Variants in ATP2A3 observed in about 807,000 individuals in gnomAD.
The protein encoded by ATP2A3 is ATPase sarcoplasmic/endoplasmic reticulum Ca2+ transporting 3, also known as sarcoplasmic/endoplasmic reticulum calcium ATPase 3.
ATP2A3 carries 61 observed loss-of-function variants against 106.8 expected under a neutral mutation model. That is an observed-to-expected ratio of 0.57 (90% CI 0.46 to 0.71). The LOEUF (loss-of-function observed/expected upper bound fraction) is 0.71, where lower values mean the gene tolerates loss of function less well. Among genes scored for constraint, ATP2A3 ranks in the 30% least tolerant of loss-of-function variants. The pLI is 0.00. For missense variants in ATP2A3, 1,201 were observed against 1,423.5 expected, an observed-to-expected ratio of 0.84 and a Z score of 2.52; for synonymous variants, 611 against 609.3, an observed-to-expected ratio of 1.00 and a Z score of -0.04.
intron 7 of ATP2A3, 86 bp downstream of exon 7, chr17:3,950,425 A>C: frequency 6.9e-7 from 1 of 1,458,380 alleles, no homozygotes; most frequent in Non-Finnish European, 9.5e-7. Context: ...CAGCCTCCCA[A>C]AGTGCTGGGA....
At position 3,943,410 on chromosome 17, in the gene ATP2A3, C is replaced by T. The variant is rs199500072; in HGVS notation, c.1400G>A (p.Arg467Gln). ...TDLQALSRVE[R>Q]AGACNTVIKQ... is the part of the protein sequence containing the mutation. ...GCTCACCGTGTTACAGGCGCCAGCT[C>T]GCTCCACCCGGGACAGAGCCTGCAG... is the stretch of plus-strand genomic sequence containing the variant. The change falls in exon 11 of 21, where the codon CGA becomes CAA. Residue 467 changes from arginine to glutamine, a missense_variant. Transcript: ENST00000397041. The T allele has an allele frequency of 4.7e-5, 76 of 1,613,984 alleles. No individual in the cohort carries two copies. Among genetic ancestry groups the T allele is most frequent in the Non-Finnish European group, 6.1e-5 (72 of 1,180,018 alleles).
At chr17:3,959,958 C>A (rs1388097153) in intron 1 of ATP2A3, among the ~76,000 whole-genome samples, 1 of 152,232 alleles carries the variant, frequency 6.6e-6, no homozygotes, top group Non-Finnish European at 1.5e-5. Context: ...GGGGGCCCAG[C>A]TGGGCAGGCC....
Position 3,953,584 on chromosome 17 carries a change from G to A in ATP2A3, c.136+109C>T. ...GAGAGGCTCAGGTGGGTGATCCTGGGGAGCTCAGCAAGGCCTCACTCAGCG... is the reference window on the plus strand; with the variant it reads ...GAGAGGCTCAGGTGGGTGATCCTGGAGAGCTCAGCAAGGCCTCACTCAGCG... On this transcript the variant is annotated intron_variant, in intron 2 of 20. Transcript: ENST00000397041. The surrounding 1 kb of genome is among the most constrained non-coding windows in gnomAD (Gnocchi z 5.1). 1 of 1,507,424 alleles carries A rather than the reference G, an allele frequency of 6.6e-7. No individual in the cohort carries two copies. The allele number at this position is 1,507,424 out of a possible 1,614,324, so 93.4% of individuals were successfully genotyped here.
chr17:3,924,655 G>A lies in ATP2A3; in HGVS notation c.*767C>T. The A allele has an allele frequency of 5.4e-6, 2 of 370,236 alleles. No homozygotes were observed. The highest frequency in any genetic ancestry group is 4.2e-5 in the South Asian group (2 of 47,406). 22.9% of individuals were successfully genotyped at this position (370,236 alleles called of 1,614,324 possible). ...GACTCTGAACATCTCCCGAGCTCAG[G>A]ACGGGGAACCCTGAGTCCAGGAGGC... On this transcript the variant is annotated 3_prime_UTR_variant, in exon 21 of 21. Transcript: ENST00000397041. This position sits in a 1 kb window ranked among gnomAD's most constrained non-coding sequence, Gnocchi z 6.4.
chr17:3,945,417 C>T (rs957350389), intron 8 of ATP2A3: 1 of 364,476 alleles, frequency 2.7e-6, no homozygotes, highest in Non-Finnish European at 5.1e-6. Context: ...GCTCTGGGGG[C>T]AGTTGCCAGC....
Position 3,925,525 on chromosome 17 carries a change from C to A in ATP2A3, c.2981-84G>T. The A allele has an allele frequency of 6.6e-7, 1 of 1,516,490 alleles. No homozygotes were observed. The highest frequency in any genetic ancestry group is 1.2e-5 in the South Asian group (1 of 84,270). The allele number at this position is 1,516,490 out of a possible 1,614,324, so 93.9% of individuals were successfully genotyped here. On this transcript the variant is annotated intron_variant, in intron 20 of 20. Coordinates refer to ENST00000397041, the MANE Select transcript of ATP2A3 (RefSeq NM_005173.4). The surrounding 1 kb of genome is among the most constrained non-coding windows in gnomAD (Gnocchi z 4.2). ...GCTTCCTTCCAGCCCCTTCCATCCT[C>A]CACTTCTCCCAGGACAGCCCCAGGC...
intron 3 of ATP2A3, among the ~76,000 whole-genome samples, chr17:3,952,362 G>T (rs1001667021): frequency 6.6e-6 from 1 of 152,128 alleles, no homozygotes; most frequent in African/African-American, 2.4e-5. Context: ...GCGCCACTGC[G>T]CCCAGCCAAG....
chr17:3,937,342 G>A (rs2053507042), intron 15 of ATP2A3, 74 bp downstream of exon 15: 1 of 1,509,912 alleles, frequency 6.6e-7, no homozygotes, highest in Non-Finnish European at 9.1e-7. Context: ...CGCATCCGAG[G>A]AACAGGCGTT....
chr17:3,929,308 G>A lies in ATP2A3; in HGVS notation c.2862+20C>T. 6.5e-7 allele frequency: 1 copy of A among 1,540,578 alleles called. No homozygotes were observed. The highest frequency in any genetic ancestry group is 8.8e-7 in the Non-Finnish European group (1 of 1,138,632). ...GTGATGTCCAGGGACCAGGGCAGTG[G>A]GGCAGGCGGGGTGACTCACAGGCAG... On this transcript the variant is annotated intron_variant, in intron 19 of 20. Transcript: ENST00000397041. The surrounding 1 kb of genome is among the most constrained non-coding windows in gnomAD (Gnocchi z 4.3).
chr17:3,927,846 G>A, intron 20 of ATP2A3: 5 of 1,543,242 alleles, frequency 3.2e-6, no homozygotes, highest in Non-Finnish European at 4.3e-6. Context: ...GCACATTCCT[G>A]CCAGAGGTGG....
intron 11 of ATP2A3, among the ~76,000 whole-genome samples, chr17:3,942,933 G>A (rs1426831082): frequency 6.6e-6 from 1 of 152,124 alleles, no homozygotes; most frequent in Admixed American, 6.6e-5. Flanking sequence ...ACCATGCTGT[G>A]TGCAGCCCAA....
Position 3,943,524 on chromosome 17 carries a change from T to TGG in ATP2A3, c.1288-4_1288-3dup. 6.2e-7 allele frequency: 1 copy of TGG among 1,613,984 alleles called. No individual in the cohort carries two copies. Among genetic ancestry groups the TGG allele is most frequent in the South Asian group, 1.1e-5 (1 of 91,060 alleles). On this transcript the variant is annotated splice_region_variant and splice_polypyrimidine_tract_variant and intron_variant, in intron 10 of 20. Coordinates refer to ENST00000397041, the MANE Select transcript of ATP2A3 (RefSeq NM_005173.4). ...CACCTTCTCATACACACCCTTGGCC[T>TGG]GGCAAGGACCCAGGGGATAGGGAGT...
chr17:3,950,733 G>C lies in ATP2A3; in HGVS notation c.504C>G (p.Ile168Met), dbSNP rs1338549245. The C allele has an allele frequency of 6.2e-7, 1 of 1,613,976 alleles. No individual in the cohort carries two copies. ...GGTCCACTCGCAGCGTGGTGGACTT[G>C]ATCTCGATGAGGCGGAGGTCAGCAG... ...KVPADLRLIE[I>M]KSTTLRVDQS... Residue 168 changes from isoleucine (I) to methionine (M), a missense_variant, in exon 6 of 21, where the codon ATC (isoleucine) becomes ATG (methionine). Ile to Met is a conservative substitution (Grantham distance 10). This residue lies in a region of ATP2A3 where 266 missense variants were observed against 246.8 expected (regional missense o/e 1.08). Transcript: ENST00000397041.
chr17:3,951,558 G>GGCCCCCCCCCCC, intron 4 of ATP2A3, 23 bp downstream of exon 4: 2 of 716,232 alleles, frequency 2.8e-6, no homozygotes, highest in Non-Finnish European at 4.3e-6. Flanking sequence ...CCCCCGCCCG[G>GGCCCCCCCCCCC]TCCCACCCCC....
rs1021235247 is a variant in ATP2A3, at chr17:3,930,542, G to A, written c.2611-108C>T. On this transcript the variant is annotated intron_variant, in intron 17 of 20. Transcript: ENST00000397041. This position sits in a 1 kb window ranked among gnomAD's most constrained non-coding sequence, Gnocchi z 5.4. ...CTTGGCCCACGCCTGGGCACAACCA[G>A]CACACAAAACACTGCCGTGGGGTGG... 2.7e-5 allele frequency: 34 copies of A among 1,280,788 alleles called. No homozygotes were observed. Among genetic ancestry groups the A allele is most frequent in the Middle Eastern group, 2.1e-4 (1 of 4,686 alleles). The allele number at this position is 1,280,788 out of a possible 1,614,324, so 79.3% of individuals were successfully genotyped here. A position where few individuals can be genotyped will look rare whatever the true frequency, so the allele number is the denominator to read the frequency against.
intron 1 of ATP2A3, 142 bp downstream of exon 1, chr17:3,964,032 G>A: frequency 3.0e-6 from 1 of 327,964 alleles, no homozygotes; most frequent in Non-Finnish European, 4.7e-6. Context: ...CAGCCCCGCC[G>A]GGTGCCCCAG....
At chr17:3,960,923 C>T (rs561494388) in intron 1 of ATP2A3, among the ~76,000 whole-genome samples, 5 of 152,352 alleles carry the variant, frequency 3.3e-5, no homozygotes, top group South Asian at 2.1e-4. Context: ...TGCAATACTG[C>T]GTGTCATAGC....
rs147497440 is a variant in ATP2A3 at position 3,934,793 on chromosome 17, G to C, written c.2610+399C>G. 6.7e-4 allele frequency: 148 copies of C among 220,534 alleles called. 2 individuals carry two copies. Among genetic ancestry groups the C allele is most frequent in the African/African-American group, 3.1e-3 (140 of 44,546 alleles). The allele number at this position is 220,534 out of a possible 1,614,324, so 13.7% of individuals were successfully genotyped here. On this transcript the variant is annotated intron_variant, in intron 17 of 20. Transcript: ENST00000397041. ...CCACCTCGGCCTCCCAAAGTGCTGGGATTACAGGCGTGAACCACCGTGCCC... is the reference window on the plus strand; with the variant it reads ...CCACCTCGGCCTCCCAAAGTGCTGGCATTACAGGCGTGAACCACCGTGCCC...
chr17:3,957,084 G>A (rs1021542837), intron 1 of ATP2A3, among the ~76,000 whole-genome samples: 1 of 152,266 alleles, frequency 6.6e-6, no homozygotes, highest in African/African-American at 2.4e-5. Flanking sequence ...ATGGGAAGAC[G>A]CTGGGGACCG....
Sources: gnomAD v4.1 joint callset for allele counts (sites outside exome capture counted in the v4.1 genomes callset) on GRCh38, gnomAD v4.1.1 for gene constraint, gnomAD v4.1.1 regional missense constraint, Gnocchi (gnomAD v3.1) non-coding constraint, MANE v1.5 for transcripts, NCBI Gene and HGNC (gene_info 2026-07-23, HGNC 2026-07-21) for gene names.